TMEM135: variants seen among roughly 807,000 people sequenced by gnomAD.
TMEM135 encodes peroxisomal membrane protein 52.
Under a neutral mutation model 60.3 loss-of-function variants are expected in TMEM135, and 30 were observed. The observed-to-expected ratio is 0.50, with a 90% CI of 0.37 to 0.68. The LOEUF (loss-of-function observed/expected upper bound fraction) is 0.68, where lower values mean the gene tolerates loss of function less well. Ranked by LOEUF, TMEM135 falls within the 30% of genes least tolerant of loss-of-function variation. The probability of loss-of-function intolerance (pLI) is 0.00; values close to 1 mark genes in which losing one functional copy is unlikely to be tolerated. For missense variants in TMEM135, 468 were observed against 548.8 expected (o/e 0.85, Z 1.47); for synonymous variants, 190 against 186.7 (o/e 1.02, Z -0.14).
At chr11:87,072,852 C>A (rs1014738192) in intron 3 of TMEM135, among the ~76,000 whole-genome samples, 4 of 152,146 alleles carry the variant, frequency 2.6e-5, no homozygotes, top group African/African-American at 9.7e-5. Context: ...TACTTGCCAT[C>A]TCATGAATAA....
intron 4 of TMEM135, among the ~76,000 whole-genome samples, chr11:87,110,955 A>T (rs984740529): frequency 6.6e-5 from 10 of 152,212 alleles, no homozygotes; most frequent in African/African-American, 2.4e-4. Context: ...ACATGAAAGT[A>T]AGTTCTGGGA....
At chr11:87,155,141 G>C (rs1260435713) in intron 4 of TMEM135, among the ~76,000 whole-genome samples, 2 of 152,200 alleles carry the variant, frequency 1.3e-5, no homozygotes, top group African/African-American at 4.8e-5. Context: ...TGGGAGTACA[G>C]GCATGTGCCA....
At chr11:87,180,783 A>G (rs1165773971) in intron 5 of TMEM135, among the ~76,000 whole-genome samples, 1 of 152,236 alleles carries the variant, frequency 6.6e-6, no homozygotes, top group African/African-American at 2.4e-5. Context: ...ATTGTCAACA[A>G]CAACAAAAAT....
rs1458180726 is a variant in TMEM135, at chr11:87,312,112, A to T, written c.937-1313A>T. Among the ~76,000 whole-genome samples the T allele has an allele frequency of 3.3e-5, 5 of 149,672 alleles. No homozygotes were observed. The East Asian group carries it at 7.8e-4, about 23-fold the overall frequency. On this transcript the variant is annotated intron_variant, in intron 10 of 14. Coordinates refer to ENST00000305494, the MANE Select transcript of TMEM135 (RefSeq NM_022918.4). ...GTAAATATATATAGTTTATGATGTG[A>T]TTGAGTTTAAACCTACTTTCATGTT...
intron 1 of TMEM135, among the ~76,000 whole-genome samples, chr11:87,067,451 A>G (rs1339756061): frequency 2.0e-5 from 3 of 151,932 alleles, no homozygotes; most frequent in African/African-American, 4.8e-5. Flanking sequence ...ATTTACCTCA[A>G]TGTATGGAGA....
intron 1 of TMEM135, among the ~76,000 whole-genome samples, chr11:87,058,466 AT>A (rs1242922204): frequency 6.6e-6 from 1 of 151,864 alleles, no homozygotes; most frequent in African/African-American, 2.4e-5. Flanking sequence ...AGTTGCTAGA[AT>A]TACAGGCGTG....
chr11:87,119,428 C>T (rs919116573), intron 4 of TMEM135, among the ~76,000 whole-genome samples: 2 of 152,174 alleles, frequency 1.3e-5, no homozygotes, highest in African/African-American at 4.8e-5. Flanking sequence ...ATAGGCCAGG[C>T]GCGATGGCTC....
intron 4 of TMEM135, among the ~76,000 whole-genome samples, chr11:87,137,436 T>C (rs543915): frequency 0.48 from 72,267 of 151,942 alleles, 17,492 homozygotes; most frequent in East Asian, 0.67. Flanking sequence ...CCAACAATTA[T>C]TTATCACATA....
chr11:87,212,904 A>G (rs1459357788), intron 5 of TMEM135, among the ~76,000 whole-genome samples: 1 of 151,934 alleles, frequency 6.6e-6, no homozygotes, highest in African/African-American at 2.4e-5. Context: ...TTAATATACA[A>G]ATTTATAGAA....
intron 3 of TMEM135, among the ~76,000 whole-genome samples, chr11:87,085,118 A>G (rs971380030): frequency 1.3e-5 from 2 of 152,236 alleles, no homozygotes; most frequent in African/African-American, 2.4e-5. Flanking sequence ...TGAAGAAGTG[A>G]TAAATTATTG....
chr11:87,180,197 G>A (rs1487721563), intron 5 of TMEM135, among the ~76,000 whole-genome samples: 4 of 152,022 alleles, frequency 2.6e-5, no homozygotes, highest in Admixed American at 2.6e-4. Context: ...TTAATCATGA[G>A]GCCGTTCCCC....
chr11:87,254,148 T>A (rs756460376), intron 6 of TMEM135, among the ~76,000 whole-genome samples: 2 of 152,110 alleles, frequency 1.3e-5, no homozygotes, highest in Non-Finnish European at 2.9e-5. Context: ...ATAATTTGAG[T>A]ATTTTTTTCA....
chr11:87,300,364 T>C (rs1278712345), intron 7 of TMEM135, among the ~76,000 whole-genome samples: 1 of 152,212 alleles, frequency 6.6e-6, no homozygotes, highest in African/African-American at 2.4e-5. Flanking sequence ...TGTGAGACTC[T>C]GAAGGTGCGC....
chr11:87,178,411 G>C, intron 5 of TMEM135: 1 of 456,010 alleles, frequency 2.2e-6, no homozygotes, highest in Non-Finnish European at 4.4e-6. Context: ...ATGCCCTTTT[G>C]AGTCTGCCTT....
chr11:87,318,154 C>T lies in TMEM135; in HGVS notation c.1095C>T (p.Gly365=), dbSNP rs1942763417. The change falls in exon 13 of 15, where the codon GGC becomes GGT. Residue 365 remains glycine (G), a synonymous_variant. Transcript: ENST00000305494. ...SKLVETMYFK[G]IEAGKVPYFP... is the part of the protein sequence containing the mutation. ...TTTTGCAGACAATGTATTTCAAAGG[C>T]ATTGAAGCAGGGAAGGTTCCCTATT... 6.2e-7 allele frequency: 1 copy of T among 1,612,298 alleles called. No homozygotes were observed. Among genetic ancestry groups the T allele is most frequent in the African/African-American group, 1.3e-5 (1 of 74,856 alleles).
chr11:87,068,761 A>G (rs1260902007), intron 2 of TMEM135, among the ~76,000 whole-genome samples: 1 of 150,732 alleles, frequency 6.6e-6, no homozygotes, highest in African/African-American at 2.4e-5. Context: ...CAGTGAGCCG[A>G]GATCGCGCCA....
chr11:87,208,601 G>C (rs1200588082), intron 5 of TMEM135, among the ~76,000 whole-genome samples: 1 of 152,164 alleles, frequency 6.6e-6, no homozygotes, highest in Non-Finnish European at 1.5e-5. Context: ...ATTCCAAAAA[G>C]AGAAGTAGAG....
chr11:87,247,727 G>T (rs1941318587), intron 6 of TMEM135, among the ~76,000 whole-genome samples: 1 of 152,096 alleles, frequency 6.6e-6, no homozygotes, highest in South Asian at 2.1e-4. Context: ...TATTAGGGTG[G>T]GAGTGACCCG....
At chr11:87,283,489 A>G (rs1942106664) in intron 6 of TMEM135, among the ~76,000 whole-genome samples, 1 of 152,242 alleles carries the variant, frequency 6.6e-6, no homozygotes, top group South Asian at 2.1e-4. Context: ...AGTTTTGAAT[A>G]GCTGCTCATT....
Sources: gnomAD v4.1 joint callset for allele counts (sites outside exome capture counted in the v4.1 genomes callset) on GRCh38, gnomAD v4.1.1 for gene constraint, MANE v1.5 for transcripts, NCBI Gene and HGNC (gene_info 2026-07-23, HGNC 2026-07-21) for gene names.